The following TXNDC12 variants were observed in gnomAD, a reference collection of about 807,000 sequenced individuals.
TXNDC12 encodes the protein thioredoxin domain-containing protein 12.
A neutral mutation model predicts 24.2 loss-of-function variants in TXNDC12; 22 were observed. The observed-to-expected ratio is 0.91, with a 90% CI of 0.65 to 1.30. TXNDC12 has a LOEUF of 1.30. TXNDC12 is among the 50% of genes most tolerant of loss of function. TXNDC12 has a pLI of 0.00. For synonymous variants in TXNDC12, 58 were observed against 73.4 expected, an observed-to-expected ratio of 0.79 and a Z score of 1.07; for missense variants, 184 against 205.8, an observed-to-expected ratio of 0.89 and a Z score of 0.65.
intron 3 of TXNDC12, 118 bp from the exon 4 acceptor site, chr1:52,027,466 T>C (rs1685686740): frequency 3.9e-6 from 3 of 761,480 alleles, no homozygotes; most frequent in South Asian, 1.8e-5. Context: ...AGTTGATTCA[T>C]ATAACAAACT....
intron 2 of TXNDC12, chr1:52,032,051 C>G: frequency 1.2e-6 from 1 of 815,166 alleles, no homozygotes; most frequent in Non-Finnish European, 1.5e-6. Context: ...ACAAGTATAC[C>G]TAAAATGTTA....
At chr1:52,036,410 A>C (rs1258990128) in intron 2 of TXNDC12, among the ~76,000 whole-genome samples, 2 of 152,166 alleles carry the variant, frequency 1.3e-5, no homozygotes, top group African/African-American at 4.8e-5. Context: ...ATACTCATAA[A>C]GGTCTTCATC....
chr1:52,038,308 G>A (rs1572005892), intron 2 of TXNDC12, among the ~76,000 whole-genome samples: 1 of 149,916 alleles, frequency 6.7e-6, no homozygotes, highest in East Asian at 2.0e-4. Context: ...TGCTTCTCCT[G>A]TATCTTGTTT....
At chr1:52,055,851 AAGTCACTGC>A (rs1686333888), upstream of TXNDC12, 3 of 152,234 alleles carry the variant, frequency 2.0e-5, no homozygotes, top group Non-Finnish European at 4.4e-5. Context: ...ACCAGGATAT[AAGTCACTGC>A]AGGCTAAAGT....
chr1:52,055,046 G>A lies in TXNDC12; in HGVS notation c.51C>T (p.Phe17=), dbSNP rs761449597. The change falls in exon 1 of 7, where the codon TTC becomes TTT. Residue 17 remains phenylalanine (F), a synonymous_variant. Coordinates refer to ENST00000371626, the MANE Select transcript of TXNDC12 (RefSeq NM_015913.4). The part of the protein sequence containing the change: ...LGATCLLGFS[F]LLLVISSDGH... ...CATCAGAAGAGATGACGAGGAGCAG[G>A]AAACTGAAGCCCAGCAAACAGGTGG... is the stretch of plus-strand genomic sequence containing the variant. The A allele has an allele frequency of 6.2e-7, 1 of 1,614,108 alleles. No individual in the cohort carries two copies. The highest frequency in any genetic ancestry group is 2.2e-5 in the East Asian group (1 of 44,874).
chr1:52,032,879 C>CG (rs1302993938), intron 2 of TXNDC12: 1 of 1,614,000 alleles, frequency 6.2e-7, no homozygotes, highest in South Asian at 1.1e-5. Flanking sequence ...AGCAAGTCCC[C>CG]GGGGACAGCG....
chr1:52,027,752 T>C (rs888629327), intron 3 of TXNDC12, among the ~76,000 whole-genome samples: 2 of 149,456 alleles, frequency 1.3e-5, no homozygotes, highest in African/African-American at 2.4e-5. Context: ...TATATACATA[T>C]ATACATATAT....
intron 1 of TXNDC12, among the ~76,000 whole-genome samples, chr1:52,042,385 T>C (rs1686008887): frequency 6.6e-6 from 1 of 152,106 alleles, no homozygotes; most frequent in Non-Finnish European, 1.5e-5. Flanking sequence ...TTTCAGAATA[T>C]GGCACCTGCC....
chr1:52,032,371 A>G (rs2124368130), intron 2 of TXNDC12: 2 of 1,100,412 alleles, frequency 1.8e-6, no homozygotes, highest in Middle Eastern at 7.9e-4. Flanking sequence ...CTGCTCTCCC[A>G]CGCCTCAGAT....
chr1:52,020,251 T>C lies in TXNDC12; in HGVS notation c.*682A>G. ...ATGGCTACACCTAGGGCTTGAAGGTTTGAGTTTCTCCAACAGTAACAAGGG... is the reference window on the plus strand; with the variant it reads ...ATGGCTACACCTAGGGCTTGAAGGTCTGAGTTTCTCCAACAGTAACAAGGG... On this transcript the variant is annotated 3_prime_UTR_variant, in exon 7 of 7. Coordinates refer to ENST00000371626, the MANE Select transcript of TXNDC12 (RefSeq NM_015913.4). 3.2e-6 allele frequency: 1 copy of C among 311,794 alleles called. No individual in the cohort carries two copies. Among genetic ancestry groups the C allele is most frequent in the Non-Finnish European group, 6.3e-6 (1 of 157,672 alleles). 19.3% of individuals were successfully genotyped at this position (311,794 alleles called of 1,614,324 possible).
intron 2 of TXNDC12, among the ~76,000 whole-genome samples, chr1:52,031,732 G>C (rs993265116): frequency 6.6e-6 from 1 of 152,048 alleles, no homozygotes; most frequent in Non-Finnish European, 1.5e-5. Flanking sequence ...CTCGATTTTG[G>C]ACTCCCAAAG....
intron 1 of TXNDC12, among the ~76,000 whole-genome samples, chr1:52,049,704 ATTT>A (rs34937659): frequency 7.0e-6 from 1 of 143,720 alleles, no homozygotes; most frequent in East Asian, 2.0e-4. Flanking sequence ...AAGCAATTGC[ATTT>A]TTTTTTTTTT....
chr1:52,049,956 A>G (rs1413791233), intron 1 of TXNDC12, among the ~76,000 whole-genome samples: 1 of 152,246 alleles, frequency 6.6e-6, no homozygotes, highest in Non-Finnish European at 1.5e-5. Flanking sequence ...TTTAATCTTC[A>G]CAACAACTTT....
At chr1:52,038,870 A>G (rs1405734761) in intron 2 of TXNDC12, among the ~76,000 whole-genome samples, 2 of 148,984 alleles carry the variant, frequency 1.3e-5, no homozygotes, top group African/African-American at 4.9e-5. Context: ...TACAGTGACA[A>G]CTTCATGAAT....
intron 2 of TXNDC12, chr1:52,032,659 G>T (rs1284927872): frequency 2.9e-5 from 45 of 1,547,766 alleles, no homozygotes; most frequent in Admixed American, 1.6e-4. Context: ...AAGTGGAGTG[G>T]AGATCAGAAG....
At chr1:52,045,353 T>A (rs1466588357) in intron 1 of TXNDC12, among the ~76,000 whole-genome samples, 1 of 152,040 alleles carries the variant, frequency 6.6e-6, no homozygotes, top group African/African-American at 2.4e-5. Context: ...CTCAATTGTG[T>A]CCCCCACCCC....
chr1:52,033,933 C>T, intron 2 of TXNDC12: 3 of 1,429,746 alleles, frequency 2.1e-6, no homozygotes, highest in Non-Finnish European at 1.8e-6. Flanking sequence ...GTTCAGCTTT[C>T]TCAGAAAGGA....
At chr1:52,049,813 T>C (rs1250170792) in intron 1 of TXNDC12, among the ~76,000 whole-genome samples, 3 of 152,146 alleles carry the variant, frequency 2.0e-5, no homozygotes, top group Non-Finnish European at 4.4e-5. Flanking sequence ...GCTAGGATTA[T>C]AGGCGTGAGC....
intron 2 of TXNDC12, among the ~76,000 whole-genome samples, chr1:52,030,019 C>T (rs1312531014): frequency 1.3e-5 from 2 of 152,100 alleles, no homozygotes. Flanking sequence ...TTAATGGTCT[C>T]ACAATAGAAA....
Sources: gnomAD v4.1 joint callset for allele counts (sites outside exome capture counted in the v4.1 genomes callset) on GRCh38, gnomAD v4.1.1 for gene constraint, MANE v1.5 for transcripts, NCBI Gene and HGNC (gene_info 2026-07-23, HGNC 2026-07-21) for gene names.